Variants in PLAG1 observed in about 807,000 individuals in gnomAD.
PLAG1 encodes the protein PLAG1 zinc finger.
Under a neutral mutation model 35.5 loss-of-function variants are expected in PLAG1, and 7 were observed. The ratio of observed to expected loss-of-function variants is 0.20; its 90% CI spans 0.11 to 0.37. The LOEUF is 0.37. Ranked by LOEUF, PLAG1 falls within the 10% of genes least tolerant of loss-of-function variation. PLAG1 has a pLI of 1.00. For synonymous variants in PLAG1, 229 were observed against 225.4 expected (o/e 1.02, Z -0.14); for missense variants, 454 against 602.8 (o/e 0.75, Z 2.58).
intron 1 of PLAG1, among the ~76,000 whole-genome samples, chr8:56,190,293 G>A (rs1216016738): frequency 1.3e-5 from 2 of 152,134 alleles, no homozygotes; most frequent in African/African-American, 2.4e-5. Flanking sequence ...GAGGGGAAAG[G>A]AGGGACTATC....
chr8:56,210,268 G>A (rs78470252), intron 1 of PLAG1, among the ~76,000 whole-genome samples: 2,326 of 152,190 alleles, frequency 0.015, 23 homozygotes, highest in Non-Finnish European at 0.022. Context: ...GATTTTTAGG[G>A]ATTTTTTGCG....
At chr8:56,184,588 T>C (rs1373352708) in intron 1 of PLAG1, among the ~76,000 whole-genome samples, 2 of 152,160 alleles carry the variant, frequency 1.3e-5, no homozygotes, top group Non-Finnish European at 2.9e-5. Flanking sequence ...CGAAGGTCTA[T>C]CCTTGTGTGA....
intron 1 of PLAG1, among the ~76,000 whole-genome samples, chr8:56,200,563 C>T (rs1004846208): frequency 6.6e-6 from 1 of 152,182 alleles, no homozygotes; most frequent in Admixed American, 6.5e-5. Flanking sequence ...CAATGCCTTC[C>T]GCAGCACATA....
chr8:56,205,945 T>C (rs373670977), intron 1 of PLAG1, among the ~76,000 whole-genome samples: 1 of 152,036 alleles, frequency 6.6e-6, no homozygotes, highest in African/African-American at 2.4e-5. Context: ...CATGATCCTG[T>C]AGTAACTCTG....
chr8:56,174,318 A>T (rs1394489776), intron 2 of PLAG1, among the ~76,000 whole-genome samples: 1 of 152,226 alleles, frequency 6.6e-6, no homozygotes, highest in Non-Finnish European at 1.5e-5. Context: ...TCTATTACTA[A>T]GATAACCCAA....
intron 1 of PLAG1, chr8:56,209,336 TAC>T (rs1336164224): frequency 1.3e-5 from 2 of 152,250 alleles, no homozygotes; most frequent in Non-Finnish European, 2.9e-5. Context: ...ATACAAACTA[TAC>T]ACATATCCAT....
intron 1 of PLAG1, among the ~76,000 whole-genome samples, chr8:56,210,614 G>A (rs753118482): frequency 6.6e-6 from 1 of 152,170 alleles, no homozygotes; most frequent in Non-Finnish European, 1.5e-5. Flanking sequence ...AGGCCCTTTG[G>A]GAAGCGACCT....
Position 56,171,140 on chromosome 8 carries a change from T to C in PLAG1, c.-167A>G, listed in dbSNP as rs183630522. On this transcript the variant is annotated 5_prime_UTR_variant, in exon 3 of 5. Coordinates refer to ENST00000316981, the MANE Select transcript of PLAG1 (RefSeq NM_002655.3). ...AGACTTTGATCTTAGCCAGTCCCATTGACTCTTCGTGGAAGAGAGTGGAAT... is the reference window on the plus strand; with the variant it reads ...AGACTTTGATCTTAGCCAGTCCCATCGACTCTTCGTGGAAGAGAGTGGAAT... 3.8e-4 allele frequency: 375 copies of C among 983,802 alleles called. No individual in the cohort carries two copies. Among genetic ancestry groups the C allele is most frequent in the Middle Eastern group, 5.2e-4 (1 of 1,910 alleles). The allele number at this position is 983,802 out of a possible 1,614,324, so 60.9% of individuals were successfully genotyped here. A position where few individuals can be genotyped will look rare whatever the true frequency, so the allele number is the denominator to read the frequency against.
At position 56,171,179 on chromosome 8, in the gene PLAG1, T is replaced by C; in HGVS notation, c.-206A>G. The C allele has an allele frequency of 1.0e-6, 1 of 966,898 alleles. No individual in the cohort carries two copies. Among genetic ancestry groups the C allele is most frequent in the Non-Finnish European group, 1.2e-6 (1 of 812,708 alleles). The allele number at this position is 966,898 out of a possible 1,614,324, so 59.9% of individuals were successfully genotyped here. On this transcript the variant is annotated 5_prime_UTR_variant, in exon 3 of 5. The change abolishes an upstream ATG in the 5' untranslated region. Coordinates refer to ENST00000316981, the MANE Select transcript of PLAG1 (RefSeq NM_002655.3). ...AGAGAGTGGAATCCAATCCTTCCCATTTTGGCCAATCTATGAAAAAAAAGT... is the reference window on the plus strand; with the variant it reads ...AGAGAGTGGAATCCAATCCTTCCCACTTTGGCCAATCTATGAAAAAAAAGT...
intron 1 of PLAG1, among the ~76,000 whole-genome samples, chr8:56,202,736 A>G (rs1458882348): frequency 6.6e-6 from 1 of 152,208 alleles, no homozygotes; most frequent in African/African-American, 2.4e-5. Flanking sequence ...TACAGCTGAA[A>G]AGATAACCCA....
rs1811205307 is a variant in PLAG1 at position 56,161,688 on chromosome 8, T to C, written c.*4555A>G. 1 of 227,826 alleles carries C rather than the reference T, an allele frequency of 4.4e-6. No individual in the cohort carries two copies. Among genetic ancestry groups the C allele is most frequent in the African/African-American group, 2.2e-5 (1 of 45,044 alleles). The allele number at this position is 227,826 out of a possible 1,614,324, so 14.1% of individuals were successfully genotyped here. The stretch of plus-strand genomic sequence containing the variant: ...CAAATTAAGTCACAGTATAAAAATA[T>C]ATTGTACACTTTTACACCTAATGTA... On this transcript the variant is annotated 3_prime_UTR_variant, in exon 5 of 5. Coordinates refer to ENST00000316981, the MANE Select transcript of PLAG1 (RefSeq NM_002655.3).
chr8:56,166,518 G>A lies in PLAG1; in HGVS notation c.1228C>T (p.Pro410Ser), dbSNP rs141407863. ...LSKSSISISDPLNTPALDFSQ... is the reference protein window; with the variant it reads ...LSKSSISISDSLNTPALDFSQ... The stretch of plus-strand genomic sequence containing the variant: ...AAATCCAATGCTGGTGTGTTTAGGG[G>A]GTCACTGATGGAGATAGAGCTTTTG... The change falls in exon 5 of 5, where the codon CCC becomes TCC. Residue 410 changes from proline (P) to serine (S), a missense_variant. This residue lies in a region of PLAG1 where 271 missense variants were observed against 315.6 expected (regional missense o/e 0.86). Transcript: ENST00000316981. 6.1e-5 allele frequency: 99 copies of A among 1,613,980 alleles called. No individual in the cohort carries two copies. The African/African-American group carries it at 1.2e-3, about 19-fold the overall frequency.
Position 56,162,232 on chromosome 8 carries a change from C to T in PLAG1, c.*4011G>A, listed in dbSNP as rs1031084974. On this transcript the variant is annotated 3_prime_UTR_variant, in exon 5 of 5. Coordinates refer to ENST00000316981, the MANE Select transcript of PLAG1 (RefSeq NM_002655.3). ...ACTAACAGCCAGCCATTGCTAATGACGAATACTAAACATTTAAAAGATCTC... is the reference window on the plus strand; with the variant it reads ...ACTAACAGCCAGCCATTGCTAATGATGAATACTAAACATTTAAAAGATCTC... 1.8e-5 allele frequency: 4 copies of T among 228,304 alleles called. No individual in the cohort carries two copies. The highest frequency in any genetic ancestry group is 2.6e-5 in the Non-Finnish European group (3 of 114,626). 14.1% of individuals were successfully genotyped at this position (228,304 alleles called of 1,614,324 possible).
At chr8:56,177,412 T>A (rs918133072) in intron 2 of PLAG1, among the ~76,000 whole-genome samples, 1 of 152,186 alleles carries the variant, frequency 6.6e-6, no homozygotes. Context: ...CTCCTCTGCC[T>A]CCAGAGGACC....
At chr8:56,172,662 C>A (rs1020224754) in intron 2 of PLAG1, among the ~76,000 whole-genome samples, 1 of 152,106 alleles carries the variant, frequency 6.6e-6, no homozygotes, top group African/African-American at 2.4e-5. Context: ...GAGAGGCCCA[C>A]AGAAGATGAA....
intron 1 of PLAG1, among the ~76,000 whole-genome samples, chr8:56,191,307 A>G (rs1004847149): frequency 6.6e-6 from 1 of 152,196 alleles, no homozygotes; most frequent in Non-Finnish European, 1.5e-5. Context: ...GACCTGAGCT[A>G]GAGAGAAGGA....
At chr8:56,207,792 A>C (rs1812739174) in intron 1 of PLAG1, among the ~76,000 whole-genome samples, 1 of 152,170 alleles carries the variant, frequency 6.6e-6, no homozygotes, top group Admixed American at 6.5e-5. Context: ...ACAAAAGCTC[A>C]GTACAATCAC....
At chr8:56,193,660 C>A (rs1391242458) in intron 1 of PLAG1, among the ~76,000 whole-genome samples, 1 of 148,960 alleles carries the variant, frequency 6.7e-6, no homozygotes, top group Non-Finnish European at 1.5e-5. Context: ...GACACAGTAA[C>A]AAATGTTTAA....
rs1811275058 is a variant in PLAG1 at position 56,163,700 on chromosome 8, TAC to T, written c.*2541_*2542del. The T allele has an allele frequency of 1.1e-5, 2 of 188,742 alleles. No individual in the cohort carries two copies. Among genetic ancestry groups the T allele is most frequent in the African/African-American group, 4.7e-5 (2 of 42,490 alleles). The allele number at this position is 188,742 out of a possible 1,614,324, so 11.7% of individuals were successfully genotyped here. ...ATATATACACACACACACACACACA[TAC>T]ACATACATACATATATGGCGCTATT... On this transcript the variant is annotated 3_prime_UTR_variant, in exon 5 of 5. Coordinates refer to ENST00000316981, the MANE Select transcript of PLAG1 (RefSeq NM_002655.3).
Sources: gnomAD v4.1 joint callset for allele counts (sites outside exome capture counted in the v4.1 genomes callset) on GRCh38, gnomAD v4.1.1 for gene constraint, gnomAD v4.1.1 regional missense constraint, MANE v1.5 for transcripts, NCBI Gene and HGNC (gene_info 2026-07-23, HGNC 2026-07-21) for gene names.